ADAMTSL1: variants seen among roughly 807,000 people sequenced by gnomAD.
ADAMTSL1 encodes the protein ADAMTS-like protein 1.
In ADAMTSL1, 126 loss-of-function variants were observed where a neutral mutation model predicts 201.8. The ratio of observed to expected loss-of-function variants is 0.62; its 90% confidence interval spans 0.54 to 0.72. The LOEUF is 0.72. Ranked by LOEUF, ADAMTSL1 falls within the 30% of genes least tolerant of loss-of-function variation. ADAMTSL1 has a pLI of 0.00. For synonymous variants in ADAMTSL1, 1,121 were observed against 903.4 expected (o/e 1.24, Z -4.32); for missense variants, 2,679 against 2,277.8 (o/e 1.18, Z -3.59).
intron 2 of ADAMTSL1, among the ~76,000 whole-genome samples, chr9:18,226,315 C>T (rs1226886049): frequency 6.6e-6 from 1 of 152,144 alleles, no homozygotes; most frequent in African/African-American, 2.4e-5. Flanking sequence ...TGCAGCCTCT[C>T]TCTCTTGGTC....
intron 1 of ADAMTSL1, among the ~76,000 whole-genome samples, chr9:17,996,280 C>T (rs148071953): frequency 8.9e-4 from 135 of 152,072 alleles, no homozygotes; most frequent in African/African-American, 3.0e-3. Flanking sequence ...TATTAATTAT[C>T]ATAAGGAACA....
At chr9:17,982,843 A>G (rs1818764477) in intron 1 of ADAMTSL1, among the ~76,000 whole-genome samples, 1 of 151,898 alleles carries the variant, frequency 6.6e-6, no homozygotes, top group South Asian at 2.1e-4. Flanking sequence ...GCTTATTATC[A>G]CTTATCACCA....
intron 2 of ADAMTSL1, among the ~76,000 whole-genome samples, chr9:18,204,467 C>G (rs1419370593): frequency 6.6e-6 from 1 of 152,074 alleles, no homozygotes; most frequent in Non-Finnish European, 1.5e-5. Context: ...AGCTCTTTCC[C>G]TTATAAATTA....
At chr9:18,721,887 T>C (rs1833407763) in intron 15 of ADAMTSL1, among the ~76,000 whole-genome samples, 1 of 152,224 alleles carries the variant, frequency 6.6e-6, no homozygotes, top group Non-Finnish European at 1.5e-5. Context: ...ATACCGTGCA[T>C]TCACTTGAGC....
rs1361346304 is a variant in ADAMTSL1 at position 18,339,093 on chromosome 9, C to CTTAT, written c.208-165736_208-165735insTTAT. 5.5e-3 allele frequency among the ~76,000 whole-genome samples: 844 copies of CTTAT among 152,204 alleles called. 9 individuals are homozygous for CTTAT. The highest frequency in any genetic ancestry group is 0.02 in the African/African-American group (815 of 41,520). Reference sequence around the variant, plus strand: ...GTGCTGCAGTGAACATACTCATGCACGTGTCTTTATGTCAGAAACATATTT... The same window carrying CTTAT: ...GTGCTGCAGTGAACATACTCATGCACTTATGTGTCTTTATGTCAGAAACATATTT... On this transcript the variant is annotated intron_variant, in intron 2 of 29. Transcript: ENST00000680146.
chr9:18,201,753 G>C (rs532951634), intron 2 of ADAMTSL1, among the ~76,000 whole-genome samples: 2 of 152,046 alleles, frequency 1.3e-5, no homozygotes, highest in Non-Finnish European at 2.9e-5. Flanking sequence ...ACCTCAATTT[G>C]AATCCTGCCT....
intron 2 of ADAMTSL1, among the ~76,000 whole-genome samples, chr9:18,412,653 A>C (rs1818496173): frequency 6.6e-6 from 1 of 152,146 alleles, no homozygotes; most frequent in Non-Finnish European, 1.5e-5. Flanking sequence ...GGATTTTTAT[A>C]GTTTTGATGT....
chr9:18,172,439 G>A (rs970649089), intron 2 of ADAMTSL1, among the ~76,000 whole-genome samples: 5 of 151,966 alleles, frequency 3.3e-5, no homozygotes, highest in Non-Finnish European at 7.4e-5. Flanking sequence ...ATAGCATTTC[G>A]TACCCATCAG....
chr9:18,732,997 T>C (rs1252156646), intron 15 of ADAMTSL1, among the ~76,000 whole-genome samples: 1 of 152,230 alleles, frequency 6.6e-6, no homozygotes, highest in Non-Finnish European at 1.5e-5. Context: ...TTTAGTGAGA[T>C]ATCTTGTAAC....
intron 2 of ADAMTSL1, among the ~76,000 whole-genome samples, chr9:18,400,613 C>G (rs1817950496): frequency 6.6e-6 from 1 of 152,126 alleles, no homozygotes; most frequent in Non-Finnish European, 1.5e-5. Flanking sequence ...ACGTTTCGAA[C>G]AGGAGTGAAT....
intron 2 of ADAMTSL1, among the ~76,000 whole-genome samples, chr9:18,176,686 C>T (rs1432700820): frequency 6.6e-6 from 1 of 152,146 alleles, no homozygotes; most frequent in African/African-American, 2.4e-5. Context: ...ATCAACTTTA[C>T]TCAGCACCAT....
At chr9:18,307,347 A>C (rs961637685) in intron 2 of ADAMTSL1, among the ~76,000 whole-genome samples, 1 of 152,172 alleles carries the variant, frequency 6.6e-6, no homozygotes, top group Admixed American at 6.5e-5. Flanking sequence ...ACATAACAAT[A>C]TTAGCCTTCC....
At chr9:18,434,082 T>G (rs1266151557) in intron 2 of ADAMTSL1, among the ~76,000 whole-genome samples, 1 of 152,208 alleles carries the variant, frequency 6.6e-6, no homozygotes, top group Admixed American at 6.5e-5. Flanking sequence ...AGCTCGTAGA[T>G]CATAGCTTCA....
chr9:18,836,390 T>C (rs1825309709), intron 23 of ADAMTSL1, among the ~76,000 whole-genome samples: 1 of 152,208 alleles, frequency 6.6e-6, no homozygotes. Context: ...GTCTGTTTAC[T>C]CTGTTGATAG....
chr9:18,120,285 T>A (rs2131915836), intron 1 of ADAMTSL1, among the ~76,000 whole-genome samples: 1 of 152,324 alleles, frequency 6.6e-6, no homozygotes, highest in South Asian at 2.1e-4. Context: ...AGTGAGTGAT[T>A]CCAGAGAGCA....
At chr9:18,582,193 A>G (rs528856623) in intron 4 of ADAMTSL1, among the ~76,000 whole-genome samples, 3 of 152,208 alleles carry the variant, frequency 2.0e-5, no homozygotes, top group Non-Finnish European at 4.4e-5. Flanking sequence ...CCCTGTTACC[A>G]GAGCACACTA....
chr9:18,609,431 G>GT (rs1156726262), intron 4 of ADAMTSL1, among the ~76,000 whole-genome samples: 2 of 145,226 alleles, frequency 1.4e-5, no homozygotes, highest in Non-Finnish European at 3.1e-5. Context: ...GTAGAGGGAA[G>GT]TTAAAAAAAA....
intron 2 of ADAMTSL1, among the ~76,000 whole-genome samples, chr9:18,366,389 T>C (rs180832942): frequency 1.1e-3 from 171 of 152,174 alleles, no homozygotes; most frequent in African/African-American, 4.0e-3. Flanking sequence ...CCTGTTTCTG[T>C]TCCCCTTTCT....
chr9:18,635,758 A>G (rs41311420), intron 5 of ADAMTSL1, among the ~76,000 whole-genome samples, 185 bp from the exon 6 acceptor site: 2,994 of 152,324 alleles, frequency 0.02, 55 homozygotes, highest in African/African-American at 0.039. Context: ...AGTGACTAGC[A>G]TCTTTGGCAT....
Sources: gnomAD v4.1 joint callset for allele counts (sites outside exome capture counted in the v4.1 genomes callset) on GRCh38, gnomAD v4.1.1 for gene constraint, MANE v1.5 for transcripts, NCBI Gene and HGNC (gene_info 2026-07-23, HGNC 2026-07-21) for gene names.